Variants in TGOLN2 observed in about 807,000 individuals in gnomAD.
The protein encoded by TGOLN2 is trans-golgi network protein 2, also known as trans-Golgi network integral membrane protein 2.
TGOLN2 carries 19 observed loss-of-function variants against 31.3 expected under a neutral mutation model. The observed-to-expected ratio is 0.61, with a 90% CI of 0.42 to 0.89. The LOEUF is 0.89. TGOLN2 is among the 40% of genes least tolerant of loss of function. The probability of loss-of-function intolerance (pLI) is 0.00; values close to 1 mark genes in which losing one functional copy is unlikely to be tolerated. For synonymous variants in TGOLN2, 222 were observed against 226.7 expected, an observed-to-expected ratio of 0.98 and a Z score of 0.19; for missense variants, 540 against 559.2, an observed-to-expected ratio of 0.97 and a Z score of 0.35.
At chr2:85,323,528 T>C (rs1682620629) in intron 3 of TGOLN2, among the ~76,000 whole-genome samples, 1 of 152,134 alleles carries the variant, frequency 6.6e-6, no homozygotes, top group Non-Finnish European at 1.5e-5. Flanking sequence ...ATTGTGCCAC[T>C]GCACTCCAGC....
rs756185700 is a variant in TGOLN2, at chr2:85,324,943, G to A, written c.1280C>T (p.Ala427Val). The A allele has an allele frequency of 1.3e-6, 2 of 1,555,262 alleles. No individual in the cohort carries two copies. The highest frequency in any genetic ancestry group is 8.7e-7 in the Non-Finnish European group (1 of 1,148,578). Residue 427 changes from alanine to valine, a missense_variant, in exon 3 of 4, where the codon GCC becomes GTC. By Grantham distance (64) the Ala-to-Val change is moderately conservative. Coordinates refer to ENST00000377386, the MANE Select transcript of TGOLN2 (RefSeq NM_006464.4). ...KRSKVTRRPK[A>V]SDYQRLDQKS ...CTGGTCCAAACGTTGGTAGTCACTGGCCTTTGGCCGCCGGGTGACTTTAGA... is the reference window on the plus strand; with the variant it reads ...CTGGTCCAAACGTTGGTAGTCACTGACCTTTGGCCGCCGGGTGACTTTAGA...
rs753777095 is a variant in TGOLN2, at chr2:85,327,268, C to A, written c.464G>T (p.Gly155Val). ...GTCTTTTTGGGTCTTTGCCTCCGCA[C>A]CCGACCTGTTGGGGCTGTCTTCTGG... ...QTPEDSPNRS[G>V]AEAKTQKDSP... Residue 155 changes from glycine (G) to valine (V), a missense_variant, in exon 2 of 4, where the codon GGT (glycine) becomes GTT (valine). Gly to Val is a moderately radical substitution (Grantham distance 109). Coordinates refer to ENST00000377386, the MANE Select transcript of TGOLN2 (RefSeq NM_006464.4). 3.7e-6 allele frequency: 6 copies of A among 1,612,464 alleles called. 1 individual carries two copies. In the South Asian group the frequency reaches 6.6e-5, roughly 18 times the overall value.
intron 1 of TGOLN2, 102 bp from the exon 2 acceptor site, chr2:85,327,787 G>A: frequency 6.7e-7 from 1 of 1,482,986 alleles, no homozygotes; most frequent in Admixed American, 2.0e-5. Context: ...GGGGATTGGG[G>A]GGTGGGGCGG....
At chr2:85,322,975 G>A (rs1408885856) in intron 3 of TGOLN2, among the ~76,000 whole-genome samples, 1 of 152,102 alleles carries the variant, frequency 6.6e-6, no homozygotes, top group Admixed American at 6.5e-5. Flanking sequence ...TTTTTTGTTG[G>A]TGGTGGTTTT....
Position 85,326,583 on chromosome 2 carries a change from G to T in TGOLN2, c.1149C>A (p.Ser383Arg). 1 of 1,614,006 alleles carries T rather than the reference G, an allele frequency of 6.2e-7. No individual in the cohort carries two copies. Among genetic ancestry groups the T allele is most frequent in the East Asian group, 2.2e-5 (1 of 44,890 alleles). The change falls in exon 2 of 4, where the codon AGC becomes AGA. Residue 383 changes from serine (S) to arginine (R), a missense_variant. Ser to Arg is a moderately radical substitution (Grantham distance 110). Coordinates refer to ENST00000377386, the MANE Select transcript of TGOLN2 (RefSeq NM_006464.4). ...CAGTCACCAGATATGCAAAGAAGTGGCTGCTCTCCGCGCTGCCATTTCCAG... is the reference window on the plus strand; with the variant it reads ...CAGTCACCAGATATGCAAAGAAGTGTCTGCTCTCCGCGCTGCCATTTCCAG... ...NGSGNGSAESSHFFAYLVTAA... is the reference protein window; with the variant it reads ...NGSGNGSAESRHFFAYLVTAA...
chr2:85,326,028 G>C (rs1682717194), intron 2 of TGOLN2, among the ~76,000 whole-genome samples: 1 of 152,182 alleles, frequency 6.6e-6, no homozygotes, highest in Non-Finnish European at 1.5e-5. Flanking sequence ...ATTAATTGCA[G>C]AAGTCCCTGG....
intron 3 of TGOLN2, among the ~76,000 whole-genome samples, chr2:85,323,031 G>A (rs1682602768): frequency 6.6e-6 from 1 of 152,140 alleles, no homozygotes; most frequent in African/African-American, 2.4e-5. Flanking sequence ...AGGCTGGAGT[G>A]CAGTGGCATG....
chr2:85,326,885 G>A lies in TGOLN2; in HGVS notation c.847C>T (p.Leu283Phe), dbSNP rs750969197. Residue 283 changes from leucine to phenylalanine, a missense_variant, in exon 2 of 4, where the codon CTT becomes TTT. Coordinates refer to ENST00000377386, the MANE Select transcript of TGOLN2 (RefSeq NM_006464.4). ...KELPKADTNQ[L>F]ADKGKLSPHA... ...GGAGAAAGCTTCCCTTTGTCAGCAAGCTGGTTTGTGTCAGCCTTGGGGAGC... is the reference window on the plus strand; with the variant it reads ...GGAGAAAGCTTCCCTTTGTCAGCAAACTGGTTTGTGTCAGCCTTGGGGAGC... 1 of 1,614,050 alleles carries A rather than the reference G, an allele frequency of 6.2e-7. No homozygotes were observed. Among genetic ancestry groups the A allele is most frequent in the Non-Finnish European group, 8.5e-7 (1 of 1,179,892 alleles).
At position 85,325,088 on chromosome 2, in the gene TGOLN2, A is replaced by T. The variant is rs750263567; in HGVS notation, c.1225-90T>A. ...CTCAGAGGCAGTCACCTGGTAGCAT[A>T]TTTGTTAATGACCCTGACTGTAGAA... is the stretch of plus-strand genomic sequence containing the variant. On this transcript the variant is annotated intron_variant, in intron 2 of 3. Coordinates refer to ENST00000377386, the MANE Select transcript of TGOLN2 (RefSeq NM_006464.4). 2.0e-5 allele frequency: 24 copies of T among 1,205,762 alleles called. No homozygotes were observed. In the South Asian group the frequency reaches 3.1e-4, roughly 16 times the overall value. The allele number at this position is 1,205,762 out of a possible 1,614,324, so 74.7% of individuals were successfully genotyped here. A position where few individuals can be genotyped will look rare whatever the true frequency, so the allele number is the denominator to read the frequency against.
chr2:85,326,867 G>C lies in TGOLN2; in HGVS notation c.865C>G (p.Leu289Val). The change falls in exon 2 of 4, where the codon CTT becomes GTT. Residue 289 changes from leucine (L) to valine (V), a missense_variant. Physicochemically the swap from Leu to Val is conservative, Grantham distance 32 (BLOSUM62 1). Coordinates refer to ENST00000377386, the MANE Select transcript of TGOLN2 (RefSeq NM_006464.4). ...TCGGTTTTGAAAGCATGAGGAGAAAGCTTCCCTTTGTCAGCAAGCTGGTTT... is the reference window on the plus strand; with the variant it reads ...TCGGTTTTGAAAGCATGAGGAGAAACCTTCCCTTTGTCAGCAAGCTGGTTT... ...DTNQLADKGK[L>V]SPHAFKTESG... 1 of 1,614,042 alleles carries C rather than the reference G, an allele frequency of 6.2e-7. No individual in the cohort carries two copies. The highest frequency in any genetic ancestry group is 8.5e-7 in the Non-Finnish European group (1 of 1,179,898).
In TGOLN2 at chr2:85,318,893, C is replaced by G. The variant is rs1188988834; in HGVS notation, c.*3843G>C. On this transcript the variant is annotated 3_prime_UTR_variant, in exon 4 of 4. Transcript: ENST00000377386. ...ATCTGCAGCAGGAAAACTGCTTCCT[C>G]TATTAACATCTATGACTGAAGCACA... 1.3e-5 allele frequency: 2 copies of G among 152,236 alleles called. No homozygotes were observed. Among genetic ancestry groups the G allele is most frequent in the Non-Finnish European group, 2.9e-5 (2 of 68,060 alleles). 9.4% of individuals were successfully genotyped at this position (152,236 alleles called of 1,614,324 possible).
chr2:85,324,327 G>A (rs924247763), intron 3 of TGOLN2: 4 of 152,200 alleles, frequency 2.6e-5, no homozygotes, highest in Admixed American at 2.0e-4. Context: ...GGCTGAGGCA[G>A]AAGAATCGCT....
At position 85,327,381 on chromosome 2, in the gene TGOLN2, C is replaced by T; in HGVS notation, c.351G>A (p.Gln117=). The stretch of plus-strand genomic sequence containing the variant: ...ACTTACTAGTGCTGTCTTTTGTGGT[C>T]TGCGCCTCCGAACCCGACTTGCTAG... ...GSTSKSGSEA[Q]TTKDSTSKSH... Residue 117 remains glutamine (Q), a synonymous_variant, in exon 2 of 4, where the codon CAG becomes CAA. Transcript: ENST00000377386. 6.2e-7 allele frequency: 1 copy of T among 1,611,758 alleles called. No individual in the cohort carries two copies. Among genetic ancestry groups the T allele is most frequent in the South Asian group, 1.1e-5 (1 of 90,974 alleles).
chr2:85,325,481 T>A (rs1558671766), intron 2 of TGOLN2, among the ~76,000 whole-genome samples: 1 of 148,510 alleles, frequency 6.7e-6, no homozygotes, highest in Non-Finnish European at 1.5e-5. Flanking sequence ...AGAAATACAC[T>A]TTTTTTTTTT....
intron 3 of TGOLN2, among the ~76,000 whole-genome samples, chr2:85,323,877 TAGAC>T (rs1389737061): frequency 2.0e-5 from 3 of 152,246 alleles, no homozygotes; most frequent in African/African-American, 7.2e-5. Context: ...TCTTCCTGCT[TAGAC>T]AGGTTGTCTT....
chr2:85,323,544 C>T (rs767066306), intron 3 of TGOLN2, among the ~76,000 whole-genome samples: 46 of 152,202 alleles, frequency 3.0e-4, no homozygotes, highest in Middle Eastern at 6.8e-3. Context: ...CCAGCCTGGA[C>T]GACACAGCAA....
At chr2:85,325,104 G>A (rs1682686163) in intron 2 of TGOLN2, 106 bp from the exon 3 acceptor site, 2 of 1,041,230 alleles carry the variant, frequency 1.9e-6, no homozygotes, top group Non-Finnish European at 2.8e-6. Context: ...TAATGACCCT[G>A]ACTGTAGAAA....
At position 85,318,170 on chromosome 2, in the gene TGOLN2, T is replaced by C. The variant is rs1682434979; in HGVS notation, c.*4566A>G. ...CACAACAAGCTTTAAAAAAATAAAA[T>C]TAAGTAATTATAGTTAAGTTACAAA... On this transcript the variant is annotated 3_prime_UTR_variant, in exon 4 of 4. Transcript: ENST00000377386. 6.6e-6 allele frequency: 1 copy of C among 152,028 alleles called. No individual in the cohort carries two copies. Among genetic ancestry groups the C allele is most frequent in the African/African-American group, 2.4e-5 (1 of 41,376 alleles). The allele number at this position is 152,028 out of a possible 1,614,324, so 9.4% of individuals were successfully genotyped here. A position where few individuals can be genotyped will look rare whatever the true frequency, so the allele number is the denominator to read the frequency against.
In TGOLN2 at chr2:85,327,941, C is replaced by T. The variant is rs754805428; in HGVS notation, c.22G>A (p.Val8Ile). The T allele has an allele frequency of 3.1e-6, 5 of 1,602,206 alleles. No homozygotes were observed. The highest frequency in any genetic ancestry group is 2.6e-6 in the Non-Finnish European group (3 of 1,174,900). The stretch of plus-strand genomic sequence containing the variant: ...CCCGCCGCTGCGACGTTCAGGAGGA[C>T]CAAGGCAACCACGAACCGCATCCTG... MRFVVAL[V>I]LLNVAAAGAV... Residue 8 changes from valine to isoleucine, a missense_variant, in exon 1 of 4, where the codon GTC becomes ATC. Transcript: ENST00000377386.
Sources: gnomAD v4.1 joint callset for allele counts (sites outside exome capture counted in the v4.1 genomes callset) on GRCh38, gnomAD v4.1.1 for gene constraint, MANE v1.5 for transcripts, NCBI Gene and HGNC (gene_info 2026-07-23, HGNC 2026-07-21) for gene names.